TBC1D31: variants seen among roughly 807,000 people sequenced by gnomAD.
TBC1D31 encodes the protein TBC1 domain family member 31, also known as WD repeat domain 67.
Under a neutral mutation model 132.9 loss-of-function variants are expected in TBC1D31, and 99 were observed. The observed-to-expected ratio is 0.74, with a 90% CI of 0.63 to 0.88. The LOEUF (loss-of-function observed/expected upper bound fraction) is 0.88, where lower values mean the gene tolerates loss of function less well. TBC1D31 is among the 40% of genes least tolerant of loss of function. The probability of loss-of-function intolerance (pLI) is 0.00; values close to 1 mark genes in which losing one functional copy is unlikely to be tolerated. For synonymous variants in TBC1D31, 385 were observed against 419.4 expected (o/e 0.92, Z 1.00); for missense variants, 1,134 against 1,256.6 (o/e 0.90, Z 1.48).
At chr8:123,082,656 A>T in intron 2 of TBC1D31, 46 bp from the exon 3 acceptor site, 2 of 1,351,980 alleles carry the variant, frequency 1.5e-6, no homozygotes, top group East Asian at 2.3e-5. Context: ...TGGAATTTGT[A>T]ATTATTGGAA....
chr8:123,111,014 A>G (rs925272115), intron 10 of TBC1D31, among the ~76,000 whole-genome samples: 7 of 151,968 alleles, frequency 4.6e-5, no homozygotes, highest in African/African-American at 1.7e-4. Context: ...ATTTCATAGT[A>G]TTGTTTAACA....
intron 10 of TBC1D31, among the ~76,000 whole-genome samples, chr8:123,118,260 T>C (rs1469586163): frequency 1.0e-5 from 1 of 96,038 alleles, no homozygotes; most frequent in Non-Finnish European, 2.2e-5. Context: ...ATTTAGTGAA[T>C]AGCATGTGCC....
intron 7 of TBC1D31, chr8:123,103,753 A>T (rs1817669362): frequency 6.6e-6 from 1 of 152,210 alleles, no homozygotes; most frequent in South Asian, 2.1e-4. Flanking sequence ...GCAGGCAGAG[A>T]GCTGAGAAAA....
intron 13 of TBC1D31, chr8:123,127,874 A>G (rs1044960560): frequency 1.3e-5 from 2 of 158,576 alleles, no homozygotes; most frequent in East Asian, 1.9e-4. Context: ...CCTGTGATAC[A>G]TTAATTTGGA....
chr8:123,080,057 G>A (rs984068857), intron 2 of TBC1D31, among the ~76,000 whole-genome samples: 1 of 152,152 alleles, frequency 6.6e-6, no homozygotes, highest in African/African-American at 2.4e-5. Context: ...TGTAACAAAA[G>A]ATAGATTAAC....
chr8:123,140,690 C>T, intron 17 of TBC1D31, 71 bp from the exon 18 acceptor site: 1 of 1,267,094 alleles, frequency 7.9e-7, no homozygotes, highest in Non-Finnish European at 1.1e-6. Flanking sequence ...TATTACTATT[C>T]TGAAAAAAGT....
chr8:123,087,718 C>T (rs867749108), intron 4 of TBC1D31, among the ~76,000 whole-genome samples: 1 of 152,198 alleles, frequency 6.6e-6, no homozygotes, highest in Middle Eastern at 3.2e-3. Flanking sequence ...TAGTTGCCAA[C>T]GCAAACCTTG....
chr8:123,092,203 C>T lies in TBC1D31; in HGVS notation c.520-1388C>T, dbSNP rs564727744. ...CTAATTTTTGTATTTTTAGTAGAGACGGGGTTTCACCATGTTGGCCAGACT... is the reference window on the plus strand; with the variant it reads ...CTAATTTTTGTATTTTTAGTAGAGATGGGGTTTCACCATGTTGGCCAGACT... On this transcript the variant is annotated intron_variant, in intron 4 of 21. Transcript: ENST00000287380. Among the ~76,000 whole-genome samples, 73 of 152,070 alleles carry T rather than the reference C, an allele frequency of 4.8e-4. 1 individual carries two copies. The highest frequency in any genetic ancestry group is 1.8e-3 in the African/African-American group (73 of 41,480).
chr8:123,144,908 G>A (rs940978046), intron 20 of TBC1D31, 53 bp downstream of exon 20: 1 of 1,511,578 alleles, frequency 6.6e-7, no homozygotes, highest in East Asian at 2.3e-5. Context: ...TATTCTTTTA[G>A]TAGGGTCTAT....
chr8:123,117,169 G>A (rs982864808), intron 10 of TBC1D31, among the ~76,000 whole-genome samples: 11 of 151,748 alleles, frequency 7.2e-5, no homozygotes, highest in African/African-American at 2.2e-4. Flanking sequence ...GCAAAAATTC[G>A]CTGGGCATGG....
the TBC1D31 span, among the ~76,000 whole-genome samples, chr8:123,159,784 C>T: frequency 4.6e-5 from 4 of 86,926 alleles, no homozygotes; most frequent in African/African-American, 1.2e-4. Flanking sequence ...AAGAGCGAAA[C>T]TCCGTCTCAA....
chr8:123,152,071 T>C lies in TBC1D31; in HGVS notation c.*132T>C. The C allele has an allele frequency of 1.1e-6, 1 of 896,546 alleles. No homozygotes were observed. 55.5% of individuals were successfully genotyped at this position (896,546 alleles called of 1,614,324 possible). A position where few individuals can be genotyped will look rare whatever the true frequency, so the allele number is the denominator to read the frequency against. Reference sequence around the variant, plus strand: ...CAGAAAAATGTGTCTATAAAAATTATGTGTTATTTAATTCTGATACTTTTT... The same window carrying C: ...CAGAAAAATGTGTCTATAAAAATTACGTGTTATTTAATTCTGATACTTTTT... On this transcript the variant is annotated 3_prime_UTR_variant, in exon 22 of 22. Transcript: ENST00000287380.
intron 5 of TBC1D31, among the ~76,000 whole-genome samples, chr8:123,094,121 G>A (rs184133072): frequency 3.2e-4 from 48 of 151,744 alleles, no homozygotes; most frequent in Middle Eastern, 3.4e-3. Context: ...CTGGAGTGTA[G>A]TGGCATGATC....
Position 123,151,993 on chromosome 8 carries a change from CATTGATTTTTAGAT to C in TBC1D31, c.*55_*68del. The C allele has an allele frequency of 7.4e-7, 1 of 1,355,296 alleles. No homozygotes were observed. Among genetic ancestry groups the C allele is most frequent in the Non-Finnish European group, 9.6e-7 (1 of 1,041,140 alleles). The allele number at this position is 1,355,296 out of a possible 1,614,324, so 84.0% of individuals were successfully genotyped here. A position where few individuals can be genotyped will look rare whatever the true frequency, so the allele number is the denominator to read the frequency against. ...GAGAGACCTATTTTGCAATCAGTGA[CATTGATTTTTAGAT>C]TATTTATTTAAAATTCCTATAAAGA... On this transcript the variant is annotated 3_prime_UTR_variant, in exon 22 of 22. Transcript: ENST00000287380.
chr8:123,141,002 AGTTT>A lies in TBC1D31; in HGVS notation c.2640+106_2640+109del, dbSNP rs960769055. The A allele has an allele frequency of 4.4e-6, 5 of 1,139,666 alleles. No homozygotes were observed. In the African/African-American group the frequency reaches 7.9e-5, roughly 18 times the overall value. 70.6% of individuals were successfully genotyped at this position (1,139,666 alleles called of 1,614,324 possible). ...AAATTAAACTCTGTGAAGTTGAGTT[AGTTT>A]GTTTCTTTGCTTCAGTTGTCACAGT... On this transcript the variant is annotated intron_variant, in intron 18 of 21. Transcript: ENST00000287380.
downstream of TBC1D31, among the ~76,000 whole-genome samples, chr8:123,153,342 T>C (rs985380321): frequency 6.6e-6 from 1 of 152,226 alleles, no homozygotes; most frequent in Non-Finnish European, 1.5e-5. Flanking sequence ...CTAGGATTTA[T>C]ACCTAGTCAG....
chr8:123,099,098 A>AT lies in TBC1D31; in HGVS notation c.831+1666dup, dbSNP rs200419494. ...TTATTTGCTTAAACTTTTTTATTAC[A>AT]TTTTTTTTTGTTTTGGTTTGGTTTT... On this transcript the variant is annotated intron_variant, in intron 6 of 21. Transcript: ENST00000287380. 2.2e-3 allele frequency among the ~76,000 whole-genome samples: 326 copies of AT among 151,120 alleles called. 2 individuals are homozygous for AT. Among genetic ancestry groups the AT allele is most frequent in the Non-Finnish European group, 3.4e-3 (229 of 67,658 alleles).
intron 7 of TBC1D31, 47 bp downstream of exon 7, chr8:123,101,054 A>C (rs1476407424): frequency 1.6e-6 from 2 of 1,277,588 alleles, no homozygotes; most frequent in South Asian, 2.5e-5. Flanking sequence ...AAACACTTAT[A>C]TATTATATCA....
intron 1 of TBC1D31, among the ~76,000 whole-genome samples, chr8:123,074,085 G>A (rs533852499): frequency 1.3e-5 from 2 of 151,494 alleles, no homozygotes; most frequent in East Asian, 4.0e-4. Context: ...AGGGTCGGAT[G>A]CAGTGGCGCG....
Sources: gnomAD v4.1 joint callset for allele counts (sites outside exome capture counted in the v4.1 genomes callset) on GRCh38, gnomAD v4.1.1 for gene constraint, MANE v1.5 for transcripts, NCBI Gene and HGNC (gene_info 2026-07-23, HGNC 2026-07-21) for gene names.